MICAL3: variants seen among roughly 807,000 people sequenced by gnomAD.
MICAL3 encodes the protein microtubule associated monooxygenase, calponin and LIM domain containing 3.
A neutral mutation model predicts 207.4 loss-of-function variants in MICAL3; 62 were observed. The ratio of observed to expected loss-of-function variants is 0.30; its 90% CI spans 0.24 to 0.37. The LOEUF is 0.37. Among genes scored for constraint, MICAL3 ranks in the 10% least tolerant of loss-of-function variants. MICAL3 has a pLI of 1.00. For missense variants in MICAL3, 2,368 were observed against 2,635.6 expected (o/e 0.90, Z 2.22); for synonymous variants, 1,077 against 1,069.3 (o/e 1.01, Z -0.14).
chr22:18,006,822 A>G (rs1245257070), intron 1 of MICAL3, among the ~76,000 whole-genome samples: 1 of 152,218 alleles, frequency 6.6e-6, no homozygotes, highest in Non-Finnish European at 1.5e-5. Context: ...AACAAGAGCG[A>G]AACTCTGTCA....
At chr22:17,863,617 GATA>G (rs993109332) in intron 19 of MICAL3, 1 of 985,348 alleles carries the variant, frequency 1.0e-6, no homozygotes, top group Non-Finnish European at 1.2e-6. Context: ...TTGCTCAGAT[GATA>G]ATAAGGGCAC....
chr22:17,810,289 T>C (rs1006175084), intron 28 of MICAL3, among the ~76,000 whole-genome samples: 2 of 152,070 alleles, frequency 1.3e-5, no homozygotes, highest in East Asian at 1.9e-4. Context: ...GGTCTCAATC[T>C]CCTGACCTTG....
intron 1 of MICAL3, among the ~76,000 whole-genome samples, chr22:17,940,537 C>CT (rs752016169): frequency 2.5e-4 from 38 of 152,106 alleles, no homozygotes; most frequent in Non-Finnish European, 1.6e-4. Flanking sequence ...CAGTGAAGGA[C>CT]TAGTTCCATG....
intron 1 of MICAL3, among the ~76,000 whole-genome samples, chr22:17,975,437 G>A (rs1935589984): frequency 6.6e-6 from 1 of 151,972 alleles, no homozygotes; most frequent in South Asian, 2.1e-4. Context: ...GTATTTCTGA[G>A]AACTTCTTAC....
rs540900492 is a variant in MICAL3, at chr22:17,913,408, G to A, written c.-74-6522C>T. 1.1e-4 allele frequency among the ~76,000 whole-genome samples: 17 copies of A among 152,300 alleles called. No homozygotes were observed. The East Asian group carries it at 2.7e-3, about 24-fold the overall frequency. ...TGGGGAAAGCACTAGCCTGGCCTGC[G>A]TGGCTGCGGAAGGTGAAGGAGACCT... On this transcript the variant is annotated intron_variant, in intron 1 of 31. Coordinates refer to ENST00000441493, the MANE Select transcript of MICAL3 (RefSeq NM_015241.3).
At chr22:17,881,763 T>C (rs1408314696) in intron 16 of MICAL3, among the ~76,000 whole-genome samples, 1 of 152,182 alleles carries the variant, frequency 6.6e-6, no homozygotes, top group Non-Finnish European at 1.5e-5. Flanking sequence ...TCTCAGTCCC[T>C]GCACTCATGG....
At chr22:17,964,265 C>A (rs531325957) in intron 1 of MICAL3, among the ~76,000 whole-genome samples, 1 of 152,344 alleles carries the variant, frequency 6.6e-6, no homozygotes, top group East Asian at 1.9e-4. Flanking sequence ...TCTGTCCCTG[C>A]ATTCCACAGC....
chr22:18,004,424 G>A (rs1923245603), intron 1 of MICAL3: 1 of 152,236 alleles, frequency 6.6e-6, no homozygotes, highest in Non-Finnish European at 1.5e-5. Flanking sequence ...AACACGCCCA[G>A]CTAATTTTGT....
intron 19 of MICAL3, chr22:17,861,923 G>C (rs1926560390): frequency 1.0e-6 from 1 of 985,366 alleles, no homozygotes; most frequent in Middle Eastern, 5.2e-4. Context: ...TTGGGTGTGG[G>C]TGTGTTTTTT....
intron 19 of MICAL3, among the ~76,000 whole-genome samples, chr22:17,847,413 G>A (rs1241703388): frequency 6.6e-6 from 1 of 152,104 alleles, no homozygotes; most frequent in African/African-American, 2.4e-5. Context: ...AAGTAGGATG[G>A]CTGCAGGGGT....
chr22:17,865,017 ACT>A (rs777492618), intron 18 of MICAL3, 31 bp from the exon 19 acceptor site: 10 of 1,579,158 alleles, frequency 6.3e-6, no homozygotes, highest in African/African-American at 4.1e-5. Context: ...AAGAAGAGTG[ACT>A]CTGACTGATG....
intron 19 of MICAL3, among the ~76,000 whole-genome samples, chr22:17,848,089 A>G (rs1316405815): frequency 2.6e-5 from 4 of 152,000 alleles, no homozygotes; most frequent in Non-Finnish European, 5.9e-5. Flanking sequence ...CTCAGGGGAG[A>G]TGTAAGGAAG....
At chr22:17,872,732 G>GGAGGC in intron 16 of MICAL3, 1 of 1,509,662 alleles carries the variant, frequency 6.6e-7, no homozygotes, top group Non-Finnish European at 9.2e-7. Flanking sequence ...CACAGTGCCT[G>GGAGGC]GAGGCGTCTC....
intron 1 of MICAL3, among the ~76,000 whole-genome samples, chr22:17,976,810 C>CTT (rs1197811898): frequency 2.5e-5 from 3 of 120,002 alleles, no homozygotes; most frequent in Non-Finnish European, 1.7e-5. Flanking sequence ...GAGACTTCTT[C>CTT]TTTTTTTTTT....
intron 1 of MICAL3, among the ~76,000 whole-genome samples, chr22:17,918,104 G>A (rs1357008049): frequency 6.6e-6 from 1 of 152,132 alleles, no homozygotes; most frequent in Admixed American, 6.6e-5. Context: ...ATCTCAGCCA[G>A]CATAAAAGCA....
chr22:18,003,872 T>C (rs1161021786), intron 1 of MICAL3, among the ~76,000 whole-genome samples: 3 of 152,020 alleles, frequency 2.0e-5, no homozygotes, highest in Non-Finnish European at 4.4e-5. Flanking sequence ...CGGGTTCAAC[T>C]GATTCTCCTG....
intron 1 of MICAL3, among the ~76,000 whole-genome samples, chr22:17,987,565 G>A (rs1236817530): frequency 4.6e-5 from 7 of 152,308 alleles, no homozygotes; most frequent in Admixed American, 6.5e-5. Flanking sequence ...GTGCAGAGAC[G>A]GGCAGGTACC....
intron 11 of MICAL3, 70 bp downstream of exon 11, chr22:17,893,738 G>T: frequency 4.4e-6 from 5 of 1,136,148 alleles, no homozygotes; most frequent in Admixed American, 4.0e-5. Flanking sequence ...GCACCTTGTG[G>T]CTCAGGGAAT....
At chr22:17,939,500 G>A (rs761206240) in intron 1 of MICAL3, among the ~76,000 whole-genome samples, 6 of 152,182 alleles carry the variant, frequency 3.9e-5, no homozygotes, top group Non-Finnish European at 8.8e-5. Flanking sequence ...ATCCCCCTAG[G>A]AGGCCAAACT....
Sources: gnomAD v4.1 joint callset for allele counts (sites outside exome capture counted in the v4.1 genomes callset) on GRCh38, gnomAD v4.1.1 for gene constraint, MANE v1.5 for transcripts, NCBI Gene and HGNC (gene_info 2026-07-23, HGNC 2026-07-21) for gene names.